KCNIP4: variants seen among roughly 807,000 people sequenced by gnomAD.
KCNIP4 encodes potassium voltage-gated channel interacting protein 4.
In KCNIP4, 12 loss-of-function variants were observed where a neutral mutation model predicts 34.0. That is an observed-to-expected ratio of 0.35 (90% CI 0.23 to 0.57). KCNIP4 has a LOEUF of 0.57. KCNIP4 is among the 20% of genes least tolerant of loss of function. The pLI is 0.83. For missense variants in KCNIP4, 238 were observed against 311.7 expected (o/e 0.76, Z 1.78); for synonymous variants, 124 against 102.2 (o/e 1.21, Z -1.29).
At chr4:21,247,647 TTATATCTATATATTTAGA>T in intron 1 of KCNIP4, among the ~76,000 whole-genome samples, 1 of 125,036 alleles carries the variant, frequency 8.0e-6, no homozygotes, top group East Asian at 2.0e-4. Context: ...ATCTATATAT[TTATATCTATATATTTAGA>T]TATATCTATA....
chr4:21,804,744 T>C (rs1020835305), intron 1 of KCNIP4, among the ~76,000 whole-genome samples: 10 of 152,120 alleles, frequency 6.6e-5, no homozygotes, highest in Non-Finnish European at 1.5e-4. Flanking sequence ...GAAAACTAAG[T>C]TATAGAATTT....
At chr4:20,743,503 G>A (rs1419306468) in intron 5 of KCNIP4, among the ~76,000 whole-genome samples, 7 of 152,036 alleles carry the variant, frequency 4.6e-5, no homozygotes, top group South Asian at 2.1e-4. Context: ...AAACCTGACA[G>A]AAACAAGCAA....
intron 1 of KCNIP4, among the ~76,000 whole-genome samples, chr4:21,550,277 G>T (rs2109014383): frequency 6.6e-6 from 1 of 152,092 alleles, no homozygotes; most frequent in East Asian, 1.9e-4. Context: ...ATTAACTGCT[G>T]GTCAGATGAC....
intron 1 of KCNIP4, among the ~76,000 whole-genome samples, chr4:21,913,280 C>T (rs1403041602): frequency 1.3e-5 from 2 of 151,776 alleles, no homozygotes; most frequent in South Asian, 2.1e-4. Context: ...TTGGGGGCTG[C>T]AGTGAGCTAT....
intron 1 of KCNIP4, among the ~76,000 whole-genome samples, chr4:21,553,518 C>G (rs1390602916): frequency 6.6e-6 from 1 of 152,004 alleles, no homozygotes; most frequent in African/African-American, 2.4e-5. Flanking sequence ...TTTTAAGACG[C>G]ACTTTTCTGG....
chr4:21,881,730 C>A (rs1726474057), intron 1 of KCNIP4, among the ~76,000 whole-genome samples: 1 of 152,130 alleles, frequency 6.6e-6, no homozygotes, highest in Non-Finnish European at 1.5e-5. Flanking sequence ...TAATAAGTTT[C>A]TAAATATGTT....
At chr4:21,529,843 TCATGG>T (rs1300441935) in intron 1 of KCNIP4, among the ~76,000 whole-genome samples, 1 of 152,170 alleles carries the variant, frequency 6.6e-6, no homozygotes, top group Non-Finnish European at 1.5e-5. Context: ...ATGAAATACA[TCATGG>T]CATGTCTTGA....
chr4:20,751,083 TA>T (rs1321284602), intron 4 of KCNIP4, among the ~76,000 whole-genome samples: 1 of 152,210 alleles, frequency 6.6e-6, no homozygotes, highest in Non-Finnish European at 1.5e-5. Flanking sequence ...TAATTAACAC[TA>T]CTGAAGGCTA....
rs114122708 is a variant in KCNIP4 at position 21,169,913 on chromosome 4, G to C, written c.62-287204C>G. On this transcript the variant is annotated intron_variant, in intron 1 of 8. Transcript: ENST00000382152. ...ATAATTTCTTTTCTCTTAAGCTTTA[G>C]ACCTCTGTTAGGCCCATTCTATAAT... Among the ~76,000 whole-genome samples the C allele has an allele frequency of 7.3e-3, 1,106 of 152,018 alleles. 20 individuals are homozygous for C. The highest frequency in any genetic ancestry group is 0.025 in the African/African-American group (1,044 of 41,450).
chr4:20,989,831 T>A (rs1366384505), intron 1 of KCNIP4, among the ~76,000 whole-genome samples: 1 of 152,244 alleles, frequency 6.6e-6, no homozygotes, highest in African/African-American at 2.4e-5. Context: ...TAGCTCGGCA[T>A]GGTGACATGG....
At position 21,389,528 on chromosome 4, in the gene KCNIP4, C is replaced by G. The variant is rs535440400; in HGVS notation, c.62-506819G>C. Among the ~76,000 whole-genome samples, 42 of 145,326 alleles carry G rather than the reference C, an allele frequency of 2.9e-4. 1 individual carries two copies. The South Asian group carries it at 8.6e-3, about 30-fold the overall frequency. On this transcript the variant is annotated intron_variant, in intron 1 of 8. Transcript: ENST00000382152. ...CCAAGTGTTCTTATTGTTCAATTCC[C>G]ACCTATGAGTGAGAACATGCGGTGT...
chr4:20,966,425 A>G lies in KCNIP4; in HGVS notation c.62-83716T>C, dbSNP rs1177058340. ...CTGATCTTACTAATCCAGGTACCTT[A>G]GTGTATGTCTTCACTTACCATAGAG... On this transcript the variant is annotated intron_variant, in intron 1 of 8. Coordinates refer to ENST00000382152, the MANE Select transcript of KCNIP4 (RefSeq NM_025221.6). Among the ~76,000 whole-genome samples the G allele has an allele frequency of 2.6e-5, 4 of 152,156 alleles. No individual in the cohort carries two copies. The East Asian group carries it at 5.8e-4, about 22-fold the overall frequency.
At chr4:21,717,400 C>T (rs1343154433) in intron 1 of KCNIP4, among the ~76,000 whole-genome samples, 1 of 151,750 alleles carries the variant, frequency 6.6e-6, no homozygotes, top group Non-Finnish European at 1.5e-5. Context: ...TATATATTAA[C>T]TATATAACTC....
chr4:21,878,219 G>A (rs575940027), intron 1 of KCNIP4, among the ~76,000 whole-genome samples: 1 of 152,204 alleles, frequency 6.6e-6, no homozygotes, highest in Non-Finnish European at 1.5e-5. Context: ...GGGATTACAG[G>A]CACACACCAC....
chr4:21,529,989 A>G lies in KCNIP4; in HGVS notation c.61+418582T>C, dbSNP rs146800560. On this transcript the variant is annotated intron_variant, in intron 1 of 8. Transcript: ENST00000382152. ...GTCATCATTCCACTATGTGGTAAAT[A>G]ATAGCTAGCACATATTGATCACTTA... Among the ~76,000 whole-genome samples, 614 of 152,308 alleles carry G rather than the reference A, an allele frequency of 4.0e-3. 6 individuals carry two copies. Among genetic ancestry groups the G allele is most frequent in the African/African-American group, 0.014 (582 of 41,558 alleles).
At chr4:21,227,854 C>G (rs2109014591) in intron 1 of KCNIP4, among the ~76,000 whole-genome samples, 1 of 152,216 alleles carries the variant, frequency 6.6e-6, no homozygotes, top group Non-Finnish European at 1.5e-5. Flanking sequence ...GAGGAGCGGA[C>G]AGATCAACTA....
rs565808842 is a variant in KCNIP4, at chr4:21,551,750, C to T, written c.61+396821G>A. ...TCCACTGGATCTTTAGACCTTAGTT[C>T]CTTTTCCTACCTTAGAATTTTTGTT... On this transcript the variant is annotated intron_variant, in intron 1 of 8. Transcript: ENST00000382152. 4.0e-4 allele frequency among the ~76,000 whole-genome samples: 61 copies of T among 152,108 alleles called. No homozygotes were observed. In the South Asian group the frequency reaches 0.012, roughly 31 times the overall value.
At position 21,332,698 on chromosome 4, in the gene KCNIP4, T is replaced by C. The variant is rs148588463; in HGVS notation, c.62-449989A>G. Among the ~76,000 whole-genome samples the C allele has an allele frequency of 7.4e-4, 113 of 152,026 alleles. 1 individual carries two copies. The South Asian group carries it at 0.011, about 15-fold the overall frequency. ...CCTTCTCTCCATTTCCTGTAATGTATTACATCAGTGGAGAGTCCCATTTCT... is the reference window on the plus strand; with the variant it reads ...CCTTCTCTCCATTTCCTGTAATGTACTACATCAGTGGAGAGTCCCATTTCT... On this transcript the variant is annotated intron_variant, in intron 1 of 8. Transcript: ENST00000382152.
At chr4:21,763,062 C>T (rs893484765) in intron 1 of KCNIP4, 37 of 1,288,646 alleles carry the variant, frequency 2.9e-5, no homozygotes, top group Non-Finnish European at 1.5e-5. Flanking sequence ...GCACAGTTTG[C>T]CTAATTTCCT....
Sources: allele counts gnomAD v4.1 joint callset (sites outside exome capture counted in the v4.1 genomes callset), GRCh38; gene constraint gnomAD v4.1.1; transcripts MANE v1.5; gene names NCBI Gene and HGNC (gene_info 2026-07-23, HGNC 2026-07-21).